CNTNAP2: variants seen among roughly 807,000 people sequenced by gnomAD.
CNTNAP2 encodes the protein contactin associated protein 2.
Under a neutral mutation model 155.2 loss-of-function variants are expected in CNTNAP2, and 98 were observed. The observed-to-expected ratio is 0.63, with a 90% confidence interval of 0.54 to 0.75. The LOEUF (loss-of-function observed/expected upper bound fraction) is 0.75. CNTNAP2 is among the 30% of genes least tolerant of loss of function. The pLI, the probability that CNTNAP2 is intolerant of heterozygous loss-of-function variation, is 0.00. For missense variants in CNTNAP2, 1,727 were observed against 1,688.1 expected (o/e 1.02, Z -0.40); for synonymous variants, 651 against 631.2 (o/e 1.03, Z -0.47).
intron 1 of CNTNAP2, among the ~76,000 whole-genome samples, chr7:146,217,496 CTTA>C (rs1299515572): frequency 6.6e-6 from 1 of 152,132 alleles, no homozygotes; most frequent in Non-Finnish European, 1.5e-5. Flanking sequence ...CAATGGGTCA[CTTA>C]TTATTATCCA....
chr7:146,910,990 G>A (rs1050102799), intron 3 of CNTNAP2, among the ~76,000 whole-genome samples: 3 of 151,380 alleles, frequency 2.0e-5, no homozygotes, highest in Admixed American at 6.6e-5. Flanking sequence ...CAAAAAGTGG[G>A]CGAAGGACAT....
In CNTNAP2 at chr7:147,526,554, G is replaced by T. The variant is rs555735636; in HGVS notation, c.1778-35584G>T. Among the ~76,000 whole-genome samples the T allele has an allele frequency of 3.2e-4, 49 of 152,278 alleles. 1 individual carries two copies. The South Asian group carries it at 9.5e-3, about 30-fold the overall frequency. On this transcript the variant is annotated intron_variant, in intron 11 of 23. Transcript: ENST00000361727. ...CTCTAATAATGGTTTAGTGCTCATTGCTTGAAGGAATAATTTTTGACAAGG... is the reference window on the plus strand; with the variant it reads ...CTCTAATAATGGTTTAGTGCTCATTTCTTGAAGGAATAATTTTTGACAAGG...
At chr7:146,171,318 G>A (rs2116819265) in intron 1 of CNTNAP2, among the ~76,000 whole-genome samples, 1 of 152,108 alleles carries the variant, frequency 6.6e-6, no homozygotes, top group East Asian at 1.9e-4. Flanking sequence ...GGTAGTTTTT[G>A]CAAATTTAAT....
At chr7:146,828,605 G>C (rs1037891694) in intron 2 of CNTNAP2, among the ~76,000 whole-genome samples, 7 of 151,916 alleles carry the variant, frequency 4.6e-5, no homozygotes, top group African/African-American at 1.7e-4. Flanking sequence ...TTTAGAAAAA[G>C]TTTAATTTAG....
chr7:146,990,895 T>G (rs1362752774), intron 3 of CNTNAP2, among the ~76,000 whole-genome samples: 2 of 152,020 alleles, frequency 1.3e-5, no homozygotes, highest in African/African-American at 4.8e-5. Context: ...CCAAGGAAAC[T>G]TTGGTTTAGC....
intron 18 of CNTNAP2, among the ~76,000 whole-genome samples, chr7:148,196,976 C>T (rs939000078): frequency 6.6e-6 from 1 of 152,132 alleles, no homozygotes; most frequent in African/African-American, 2.4e-5. Context: ...TTCCCTGACT[C>T]TTAGGCTGCA....
At chr7:146,193,936 G>T (rs1798742577) in intron 1 of CNTNAP2, among the ~76,000 whole-genome samples, 1 of 152,114 alleles carries the variant, frequency 6.6e-6, no homozygotes, top group African/African-American at 2.4e-5. Context: ...TAGGGCAGGG[G>T]CAAAATGCCA....
chr7:147,775,317 A>T lies in CNTNAP2; in HGVS notation c.2099-128248A>T, dbSNP rs1252719619. On this transcript the variant is annotated intron_variant, in intron 13 of 23. Coordinates refer to ENST00000361727, the MANE Select transcript of CNTNAP2 (RefSeq NM_014141.6). ...TATTTATATATATTTATAAATATAT[A>T]TATATTTATATATATTTATAAATAT... is the stretch of plus-strand genomic sequence containing the variant. 0.011 allele frequency among the ~76,000 whole-genome samples: 451 copies of T among 42,836 alleles called. 22 individuals carry two copies. The African/African-American group carries it at 0.11, about 11-fold the overall frequency. The allele number at this position is 42,836 out of a possible 152,430, so 28.1% of individuals were successfully genotyped here.
At chr7:146,156,087 GA>G (rs982058480) in intron 1 of CNTNAP2, among the ~76,000 whole-genome samples, 3 of 152,034 alleles carry the variant, frequency 2.0e-5, no homozygotes, top group African/African-American at 7.2e-5. Context: ...AGCTCCTGGG[GA>G]TAACTCTTCC....
chr7:148,380,633 TC>T (rs1400548421), intron 21 of CNTNAP2, among the ~76,000 whole-genome samples: 2 of 70,890 alleles, frequency 2.8e-5, no homozygotes, highest in African/African-American at 7.0e-5. Context: ...ATATTTGACT[TC>T]TTTTTTTTTT....
At chr7:147,385,654 G>C (rs1042983070) in intron 9 of CNTNAP2, among the ~76,000 whole-genome samples, 2 of 152,246 alleles carry the variant, frequency 1.3e-5, no homozygotes, top group Non-Finnish European at 2.9e-5. Flanking sequence ...GCCTTGGGCA[G>C]CTCTGCCCCT....
intron 8 of CNTNAP2, among the ~76,000 whole-genome samples, chr7:147,297,871 G>C (rs1464754987): frequency 6.6e-6 from 1 of 152,156 alleles, no homozygotes; most frequent in Non-Finnish European, 1.5e-5. Context: ...AAACAGTGCT[G>C]CAACAAACAT....
chr7:147,859,928 C>G (rs12536467), intron 13 of CNTNAP2, among the ~76,000 whole-genome samples: 24,345 of 152,056 alleles, frequency 0.16, 2,077 homozygotes, highest in Admixed American at 0.21. Flanking sequence ...GATAGATATA[C>G]TGATATTGCA....
At chr7:146,648,344 A>G (rs1799850480) in intron 1 of CNTNAP2, among the ~76,000 whole-genome samples, 1 of 152,178 alleles carries the variant, frequency 6.6e-6, no homozygotes, top group South Asian at 2.1e-4. Flanking sequence ...TTCAAACTTT[A>G]TAAGGAAATG....
intron 8 of CNTNAP2, among the ~76,000 whole-genome samples, chr7:147,275,688 T>G (rs1307618623): frequency 6.6e-6 from 1 of 152,134 alleles, no homozygotes; most frequent in Non-Finnish European, 1.5e-5. Context: ...TGGCAAGGAC[T>G]TCTAGTACTA....
At chr7:147,021,188 T>C (rs1798811772) in intron 3 of CNTNAP2, among the ~76,000 whole-genome samples, 2 of 152,110 alleles carry the variant, frequency 1.3e-5, no homozygotes, top group South Asian at 4.1e-4. Context: ...TAAAACCTTA[T>C]GATTTTTTTT....
chr7:146,420,638 A>T (rs1418759394), intron 1 of CNTNAP2, among the ~76,000 whole-genome samples: 2 of 152,072 alleles, frequency 1.3e-5, no homozygotes, highest in Non-Finnish European at 2.9e-5. Flanking sequence ...TCTCTACAAC[A>T]GTCCTTGTAG....
At chr7:147,543,303 G>A (rs571881090) in intron 11 of CNTNAP2, among the ~76,000 whole-genome samples, 5 of 152,210 alleles carry the variant, frequency 3.3e-5, no homozygotes, top group Non-Finnish European at 7.3e-5. Flanking sequence ...ATGCCTTTAA[G>A]CGGTTTTCTG....
chr7:146,160,387 A>T (rs1798198780), intron 1 of CNTNAP2, among the ~76,000 whole-genome samples: 3 of 152,202 alleles, frequency 2.0e-5, no homozygotes, highest in African/African-American at 4.8e-5. Flanking sequence ...CCCTTCAAAA[A>T]ATCAATGAAT....
Sources: gnomAD v4.1 joint callset for allele counts (sites outside exome capture counted in the v4.1 genomes callset) on GRCh38, gnomAD v4.1.1 for gene constraint, MANE v1.5 for transcripts, NCBI Gene and HGNC (gene_info 2026-07-23, HGNC 2026-07-21) for gene names.